Variants in LRP1B observed in about 807,000 individuals in gnomAD.
LRP1B encodes the protein low-density lipoprotein receptor-related protein 1B.
Under a neutral mutation model 556.6 loss-of-function variants are expected in LRP1B, and 217 were observed. The observed-to-expected ratio is 0.39, with a 90% confidence interval of 0.35 to 0.44. The LOEUF (loss-of-function observed/expected upper bound fraction) is 0.44. Among genes scored for constraint, LRP1B ranks in the 20% least tolerant of loss-of-function variants. The pLI is 1.00. For missense variants in LRP1B, 5,053 were observed against 5,620.8 expected (o/e 0.90, Z 3.23); for synonymous variants, 2,047 against 1,865.8 (o/e 1.10, Z -2.50).
chr2:141,546,243 C>G, intron 2 of LRP1B, among the ~76,000 whole-genome samples: 1 of 152,110 alleles, frequency 6.6e-6, no homozygotes, highest in East Asian at 1.9e-4. Context: ...GTTAACCTCA[C>G]CTTGGCAACC....
chr2:141,762,242 T>C (rs16847075), intron 2 of LRP1B, among the ~76,000 whole-genome samples: 3,196 of 152,034 alleles, frequency 0.021, 126 homozygotes, highest in African/African-American at 0.073. Context: ...CTGTTGAGTA[T>C]TTCAATAAGC....
intron 1 of LRP1B, among the ~76,000 whole-genome samples, chr2:141,909,286 G>A (rs955740508): frequency 1.3e-5 from 2 of 151,958 alleles, no homozygotes; most frequent in Non-Finnish European, 2.9e-5. Flanking sequence ...TCACAATACA[G>A]GTAACTCTTA....
In LRP1B at chr2:140,364,803, G is replaced by A. The variant is rs759235055; in HGVS notation, c.11009-20C>T. 1 of 1,604,920 alleles carries A rather than the reference G, an allele frequency of 6.2e-7. No homozygotes were observed. Among genetic ancestry groups the A allele is most frequent in the South Asian group, 1.1e-5 (1 of 90,492 alleles). ...TTCCTCCTTTATTTTAAAACAAAAA[G>A]AAACAAAGAGATTCAGAGTAATCAG... On this transcript the variant is annotated intron_variant, in intron 71 of 90. Transcript: ENST00000389484.
intron 27 of LRP1B, among the ~76,000 whole-genome samples, chr2:140,866,652 G>A (rs1692961612): frequency 6.6e-6 from 1 of 152,036 alleles, no homozygotes. Context: ...AAAGGACACA[G>A]AAAATTTTGC....
In LRP1B at chr2:140,314,916, A is replaced by G. The variant is rs758658843; in HGVS notation, c.12805+19T>C. ...AAAAGTGAAAAAGATGTGAAATACAATGACAATGAAATATTTACCTAGAAC... is the reference window on the plus strand; with the variant it reads ...AAAAGTGAAAAAGATGTGAAATACAGTGACAATGAAATATTTACCTAGAAC... On this transcript the variant is annotated intron_variant, in intron 83 of 90. Coordinates refer to ENST00000389484, the MANE Select transcript of LRP1B (RefSeq NM_018557.3). 1 of 1,547,358 alleles carries G rather than the reference A, an allele frequency of 6.5e-7. No individual in the cohort carries two copies. Among genetic ancestry groups the G allele is most frequent in the Non-Finnish European group, 8.7e-7 (1 of 1,145,262 alleles).
chr2:140,755,622 A>T (rs531801778), intron 35 of LRP1B, among the ~76,000 whole-genome samples: 60 of 151,942 alleles, frequency 3.9e-4, no homozygotes, highest in African/African-American at 1.4e-3. Flanking sequence ...TAAAATATAC[A>T]CTCCTTCATG....
chr2:140,738,861 G>A (rs529417866), intron 35 of LRP1B, among the ~76,000 whole-genome samples: 43 of 152,130 alleles, frequency 2.8e-4, no homozygotes, highest in South Asian at 1.0e-3. Flanking sequence ...CAAATAACTC[G>A]AAGTGGTCAG....
intron 20 of LRP1B, among the ~76,000 whole-genome samples, chr2:140,943,151 T>C (rs1695449493): frequency 1.3e-5 from 2 of 151,986 alleles, no homozygotes; most frequent in South Asian, 4.1e-4. Context: ...TCAAGTAAAA[T>C]AGACTTTAAA....
At chr2:141,602,943 A>T (rs1010565070) in intron 2 of LRP1B, among the ~76,000 whole-genome samples, 2 of 152,182 alleles carry the variant, frequency 1.3e-5, no homozygotes, top group Non-Finnish European at 2.9e-5. Flanking sequence ...ACAAGTATTG[A>T]ATACAGATTA....
chr2:141,358,819 G>A (rs544960851), intron 3 of LRP1B, among the ~76,000 whole-genome samples: 27 of 151,976 alleles, frequency 1.8e-4, no homozygotes, highest in African/African-American at 6.5e-4. Flanking sequence ...CATAATTGGA[G>A]GTTCGCATAA....
chr2:141,473,639 A>G (rs565437423), intron 3 of LRP1B, among the ~76,000 whole-genome samples: 7 of 152,294 alleles, frequency 4.6e-5, no homozygotes, highest in Admixed American at 2.0e-4. Flanking sequence ...TAAGAGCTTT[A>G]CTAATCAAAA....
intron 27 of LRP1B, among the ~76,000 whole-genome samples, chr2:140,865,763 A>G (rs1386146745): frequency 6.6e-6 from 1 of 152,122 alleles, no homozygotes; most frequent in African/African-American, 2.4e-5. Context: ...AATTACATCC[A>G]CATAGTAAAA....
At chr2:141,033,732 G>A (rs1009636349) in intron 11 of LRP1B, among the ~76,000 whole-genome samples, 1 of 152,072 alleles carries the variant, frequency 6.6e-6, no homozygotes, top group Non-Finnish European at 1.5e-5. Context: ...GTGAGAAGGA[G>A]GCTGTCTGCA....
At chr2:141,418,489 G>A (rs1348197752) in intron 3 of LRP1B, among the ~76,000 whole-genome samples, 1 of 149,002 alleles carries the variant, frequency 6.7e-6, no homozygotes, top group African/African-American at 2.5e-5. Context: ...TGTTGAAGAG[G>A]CTACCCTTTC....
intron 35 of LRP1B, among the ~76,000 whole-genome samples, chr2:140,764,884 G>A (rs1178486411): frequency 1.3e-5 from 2 of 152,140 alleles, no homozygotes; most frequent in African/African-American, 2.4e-5. Flanking sequence ...TTCCTTCAGT[G>A]TTTTTATTGT....
At chr2:140,855,138 A>AC (rs898386835) in intron 27 of LRP1B, among the ~76,000 whole-genome samples, 2 of 152,106 alleles carry the variant, frequency 1.3e-5, no homozygotes, top group African/African-American at 2.4e-5. Flanking sequence ...TGTGAAAAAA[A>AC]GCTGAGATAC....
intron 2 of LRP1B, among the ~76,000 whole-genome samples, chr2:141,621,680 G>A (rs950636327): frequency 3.9e-5 from 6 of 152,088 alleles, no homozygotes; most frequent in African/African-American, 1.2e-4. Flanking sequence ...TTATGCAGGA[G>A]GGGAGGCAGA....
rs1017570858 is a variant in LRP1B at position 140,741,427 on chromosome 2, T to C, written c.5759-24611A>G. On this transcript the variant is annotated intron_variant, in intron 35 of 90. Transcript: ENST00000389484. ...CATGACTCTGAAGATGACAGAAAAA[T>C]ATGGAATATCTGTCCCAAGAGACTT... is the stretch of plus-strand genomic sequence containing the variant. Among the ~76,000 whole-genome samples the C allele has an allele frequency of 2.0e-5, 3 of 151,986 alleles. 1 individual carries two copies. Among genetic ancestry groups the C allele is most frequent in the Admixed American group, 1.3e-4 (2 of 15,242 alleles).
chr2:140,350,021 T>C (rs1277516460), intron 77 of LRP1B, among the ~76,000 whole-genome samples: 1 of 152,096 alleles, frequency 6.6e-6, no homozygotes, highest in Non-Finnish European at 1.5e-5. Flanking sequence ...CTCTAATTTT[T>C]GTTAAACACA....
Sources: gnomAD v4.1 joint callset for allele counts (sites outside exome capture counted in the v4.1 genomes callset) on GRCh38, gnomAD v4.1.1 for gene constraint, MANE v1.5 for transcripts, NCBI Gene and HGNC (gene_info 2026-07-23, HGNC 2026-07-21) for gene names.